GABRG3: variants seen among roughly 807,000 people sequenced by gnomAD.
GABRG3 encodes gamma-aminobutyric acid type A receptor subunit gamma3.
Under a neutral mutation model 48.8 loss-of-function variants are expected in GABRG3, and 25 were observed. The ratio of observed to expected loss-of-function variants is 0.51; its 90% CI spans 0.37 to 0.72. GABRG3 has a LOEUF of 0.72. Among genes scored for constraint, GABRG3 ranks in the 30% least tolerant of loss-of-function variants. The pLI is 0.00. For synonymous variants in GABRG3, 227 were observed against 217.6 expected, an observed-to-expected ratio of 1.04 and a Z score of -0.38; for missense variants, 394 against 577.9, an observed-to-expected ratio of 0.68 and a Z score of 3.26.
Position 27,412,051 on chromosome 15 carries a change from G to A in GABRG3, c.575-68599G>A, listed in dbSNP as rs1566829259. ...ATATTTATTTCTGGGCAGGTCTGCT[G>A]CCATTTTGTTCCCTAACTTTTCATT... On this transcript the variant is annotated intron_variant, in intron 5 of 9. Transcript: ENST00000615808. Among the ~76,000 whole-genome samples, 3 of 151,896 alleles carry A rather than the reference G, an allele frequency of 2.0e-5. No individual in the cohort carries two copies. The South Asian group carries it at 6.2e-4, about 31-fold the overall frequency.
intron 3 of GABRG3, among the ~76,000 whole-genome samples, chr15:27,132,597 A>C (rs918292508): frequency 1.4e-5 from 2 of 145,924 alleles, no homozygotes; most frequent in African/African-American, 5.0e-5. Flanking sequence ...ATTGGTGTGC[A>C]TTTTTTTTAG....
intron 3 of GABRG3, among the ~76,000 whole-genome samples, chr15:27,093,202 T>C (rs747403546): frequency 2.6e-5 from 4 of 152,074 alleles, no homozygotes; most frequent in Non-Finnish European, 4.4e-5. Flanking sequence ...ATGTCACATG[T>C]GGCCAGGTTG....
chr15:27,095,086 A>T (rs565617004), intron 3 of GABRG3, among the ~76,000 whole-genome samples: 1 of 152,294 alleles, frequency 6.6e-6, no homozygotes, highest in Admixed American at 6.5e-5. Flanking sequence ...AATGAACAGG[A>T]CTGGATTTTC....
intron 2 of GABRG3, among the ~76,000 whole-genome samples, chr15:27,010,596 C>T (rs1000697985): frequency 5.3e-5 from 8 of 152,226 alleles, no homozygotes; most frequent in African/African-American, 1.7e-4. Flanking sequence ...CACCATTTTC[C>T]ACCTTCTCTC....
chr15:27,193,809 C>T (rs183561294), intron 3 of GABRG3, among the ~76,000 whole-genome samples: 111 of 150,976 alleles, frequency 7.4e-4, no homozygotes, highest in African/African-American at 2.3e-3. Context: ...CCGTTTTCTG[C>T]GTCGCTCACG....
chr15:27,501,061 C>T (rs1410957286), intron 6 of GABRG3, among the ~76,000 whole-genome samples: 1 of 150,536 alleles, frequency 6.6e-6, no homozygotes, highest in South Asian at 2.1e-4. Context: ...ACACCATTCT[C>T]CTGCCTCAGC....
chr15:27,467,167 G>A (rs1042283612), intron 5 of GABRG3, among the ~76,000 whole-genome samples: 5 of 152,164 alleles, frequency 3.3e-5, no homozygotes, highest in Non-Finnish European at 5.9e-5. Flanking sequence ...TTCCTGGCCT[G>A]CAGATGTGCA....
intron 3 of GABRG3, among the ~76,000 whole-genome samples, chr15:27,248,291 G>A (rs1005440414): frequency 3.9e-5 from 6 of 152,216 alleles, no homozygotes; most frequent in Middle Eastern, 3.4e-3. Flanking sequence ...GCCCTGGAAG[G>A]GGCTTCTCTG....
At chr15:27,039,099 A>T (rs1377751600) in intron 3 of GABRG3, among the ~76,000 whole-genome samples, 1 of 152,214 alleles carries the variant, frequency 6.6e-6, no homozygotes, top group East Asian at 1.9e-4. Flanking sequence ...GCAGAGGGTC[A>T]GTGGGTGTAA....
intron 5 of GABRG3, among the ~76,000 whole-genome samples, chr15:27,417,435 C>T (rs1239396923): frequency 1.3e-5 from 2 of 152,180 alleles, no homozygotes; most frequent in South Asian, 2.1e-4. Flanking sequence ...GTTTCTCTCT[C>T]CAGCTCCACA....
intron 6 of GABRG3, among the ~76,000 whole-genome samples, chr15:27,484,041 T>C (rs1197672931): frequency 6.6e-6 from 1 of 152,162 alleles, no homozygotes; most frequent in Non-Finnish European, 1.5e-5. Flanking sequence ...TTCAAGCAAT[T>C]CTCCTGCCTC....
chr15:27,103,483 G>A (rs565616476), intron 3 of GABRG3, among the ~76,000 whole-genome samples: 7 of 152,266 alleles, frequency 4.6e-5, no homozygotes, highest in African/African-American at 7.2e-5. Flanking sequence ...GCACCAGACC[G>A]TACAGGGTTG....
intron 3 of GABRG3, among the ~76,000 whole-genome samples, chr15:27,168,044 T>G (rs369884517): frequency 1.0e-3 from 157 of 152,072 alleles, no homozygotes; most frequent in Non-Finnish European, 1.1e-3. Context: ...GGAAGGTGAC[T>G]CAGGGGACCC....
chr15:27,088,973 G>C (rs534575512), intron 3 of GABRG3, among the ~76,000 whole-genome samples: 1 of 152,134 alleles, frequency 6.6e-6, no homozygotes, highest in African/African-American at 2.4e-5. Flanking sequence ...ATTGAAGCCC[G>C]ATGAACACGG....
intron 3 of GABRG3, among the ~76,000 whole-genome samples, chr15:27,301,422 A>G (rs1220352815): frequency 6.6e-6 from 1 of 152,148 alleles, no homozygotes; most frequent in East Asian, 1.9e-4. Flanking sequence ...TTTCCTGCTA[A>G]TGAAACACTT....
At chr15:27,110,350 T>TTA (rs1595530430) in intron 3 of GABRG3, among the ~76,000 whole-genome samples, 1 of 152,126 alleles carries the variant, frequency 6.6e-6, no homozygotes, top group Admixed American at 6.6e-5. Context: ...TTAATTTAAC[T>TTA]TATATATATA....
intron 3 of GABRG3, among the ~76,000 whole-genome samples, chr15:27,260,460 C>A (rs374503274): frequency 6.6e-6 from 1 of 152,056 alleles, no homozygotes; most frequent in Non-Finnish European, 1.5e-5. Context: ...ACATGGTGCA[C>A]GGTAAAATAA....
intron 3 of GABRG3, among the ~76,000 whole-genome samples, chr15:27,173,705 C>CAAA (rs199674664): frequency 2.3e-4 from 17 of 73,322 alleles, no homozygotes; most frequent in African/African-American, 6.4e-4. Flanking sequence ...CTATCGCTGC[C>CAAA]AAAAAAAAAA....
intron 3 of GABRG3, among the ~76,000 whole-genome samples, chr15:27,285,127 G>A (rs2140482226): frequency 6.6e-6 from 1 of 152,192 alleles, no homozygotes; most frequent in Non-Finnish European, 1.5e-5. Context: ...AGATCAACCT[G>A]CTCCTTCCTA....
Sources: gnomAD v4.1 joint callset for allele counts (sites outside exome capture counted in the v4.1 genomes callset) on GRCh38, gnomAD v4.1.1 for gene constraint, MANE v1.5 for transcripts, NCBI Gene and HGNC (gene_info 2026-07-23, HGNC 2026-07-21) for gene names.